Variants in ERV3-1 observed in about 807,000 individuals in gnomAD.
The protein encoded by ERV3-1 is endogenous retrovirus group 3 member 1, envelope, also known as endogenous retrovirus group 3 member 1 Env polyprotein.
A neutral mutation model predicts 24.6 loss-of-function variants in ERV3-1; 36 were observed. That is an observed-to-expected ratio of 1.47 (90% confidence interval 1.12 to 1.94). The LOEUF is 1.94. Ranked by LOEUF, ERV3-1 falls within the 30% of genes most tolerant of loss-of-function variation. The pLI is 0.00. For missense variants in ERV3-1, 578 were observed against 330.9 expected, an observed-to-expected ratio of 1.75 and a Z score of -5.79; for synonymous variants, 211 against 122.6, an observed-to-expected ratio of 1.72 and a Z score of -4.76.
At position 64,990,389 on chromosome 7, in the gene ERV3-1, A is replaced by G. The variant is rs1049620935; in HGVS notation, c.*823T>C. On this transcript the variant is annotated 3_prime_UTR_variant, in exon 2 of 2. Coordinates refer to ENST00000394323, the MANE Select transcript of ERV3-1 (RefSeq NM_001007253.4). The stretch of plus-strand genomic sequence containing the variant: ...ACAGGAAGGTTTTATTTAGGTGGCC[A>G]CTGGCCCAGCGGATTAACATCCAAA... 1.1e-5 allele frequency: 2 copies of G among 183,686 alleles called. No individual in the cohort carries two copies. Among genetic ancestry groups the G allele is most frequent in the African/African-American group, 4.8e-5 (2 of 41,570 alleles). The allele number at this position is 183,686 out of a possible 1,614,324, so 11.4% of individuals were successfully genotyped here.
chr7:65,002,680 C>A (rs1443918547), intron 1 of ERV3-1, among the ~76,000 whole-genome samples: 3 of 152,212 alleles, frequency 2.0e-5, no homozygotes, highest in African/African-American at 7.2e-5. Context: ...TCCACAGGCT[C>A]CTGAACTTTG....
intron 1 of ERV3-1, among the ~76,000 whole-genome samples, chr7:64,998,968 C>T (rs912471890): frequency 6.6e-6 from 1 of 152,336 alleles, no homozygotes; most frequent in East Asian, 1.9e-4. Context: ...TAGTGAGCCA[C>T]TCTCACGTCC....
intron 1 of ERV3-1, among the ~76,000 whole-genome samples, chr7:64,994,331 G>A (rs1487519146): frequency 6.6e-6 from 1 of 152,058 alleles, no homozygotes; most frequent in Non-Finnish European, 1.5e-5. Flanking sequence ...TCACAAATTT[G>A]GGGGCCACCA....
intron 1 of ERV3-1, 150 bp downstream of exon 1, chr7:65,006,391 G>C (rs1297290513): frequency 5.4e-6 from 7 of 1,298,674 alleles, no homozygotes; most frequent in Non-Finnish European, 7.7e-6. Flanking sequence ...ATGGCTGAAG[G>C]GGACTGAGGG....
At chr7:64,997,610 C>T (rs969306725) in intron 1 of ERV3-1, among the ~76,000 whole-genome samples, 2 of 152,160 alleles carry the variant, frequency 1.3e-5, no homozygotes, top group African/African-American at 4.8e-5. Flanking sequence ...TGTAGGCTGG[C>T]TTCTGGGAAT....
rs758300243 is a variant in ERV3-1, at chr7:64,992,143, C to A, written c.884G>T (p.Cys295Phe). 9.1e-6 allele frequency: 7 copies of A among 766,294 alleles called. No homozygotes were observed. Among genetic ancestry groups the A allele is most frequent in the African/African-American group, 8.5e-5 (5 of 59,116 alleles). 47.5% of individuals were successfully genotyped at this position (766,294 alleles called of 1,614,324 possible). ...SSLHVASCYV[C>F]GGMNMGDQWP... ...TTGGTCTCCCATGTTCATTCCCCCA[C>A]AGACATAACATGAAGCAACGTGCAG... is the stretch of plus-strand genomic sequence containing the variant. Residue 295 changes from cysteine to phenylalanine, a missense_variant, in exon 2 of 2, where the codon TGT becomes TTT. Transcript: ENST00000394323.
rs76477054 is a variant in ERV3-1 at position 64,992,163 on chromosome 7, G to A, written c.864C>T (p.His288=). 7,186 of 766,354 alleles carry A rather than the reference G, an allele frequency of 9.4e-3. 195 individuals carry two copies. Among genetic ancestry groups the A allele is most frequent in the East Asian group, 0.081 (3,352 of 41,236 alleles). The allele number at this position is 766,354 out of a possible 1,614,324, so 47.5% of individuals were successfully genotyped here. A position where few individuals can be genotyped will look rare whatever the true frequency, so the allele number is the denominator to read the frequency against. ...QLAENIASSL[H]VASCYVCGGM... is the part of the protein sequence containing the mutation. ...CCCCACAGACATAACATGAAGCAAC[G>A]TGCAGGCTGCTGGCTATGTTTTCAG... Residue 288 remains histidine, a synonymous_variant, in exon 2 of 2, where the codon CAC becomes CAT. Transcript: ENST00000394323.
At chr7:65,000,495 T>C (rs1169117186) in intron 1 of ERV3-1, among the ~76,000 whole-genome samples, 1 of 152,174 alleles carries the variant, frequency 6.6e-6, no homozygotes, top group Non-Finnish European at 1.5e-5. Flanking sequence ...AGTGCTGTGA[T>C]TACAGGCATG....
chr7:64,996,820 G>A (rs1786415306), intron 1 of ERV3-1, among the ~76,000 whole-genome samples: 1 of 152,162 alleles, frequency 6.6e-6, no homozygotes, highest in Non-Finnish European at 1.5e-5. Flanking sequence ...CAGCCCCAGT[G>A]TCTACCATAA....
chr7:65,000,465 T>C (rs1584068529), intron 1 of ERV3-1, among the ~76,000 whole-genome samples: 2 of 151,822 alleles, frequency 1.3e-5, no homozygotes, highest in South Asian at 2.1e-4. Flanking sequence ...CCTTGTGATC[T>C]GCCCACCTCG....
chr7:65,001,118 GC>G (rs35519391), intron 1 of ERV3-1, among the ~76,000 whole-genome samples: 65,961 of 151,894 alleles, frequency 0.43, 15,158 homozygotes, highest in African/African-American at 0.58. Context: ...AAAATAATCT[GC>G]ATGCCAAACC....
chr7:64,992,925 A>G lies in ERV3-1; in HGVS notation c.102T>C (p.Thr34=). The G allele has an allele frequency of 1.3e-6, 1 of 766,424 alleles. No homozygotes were observed. The highest frequency in any genetic ancestry group is 2.4e-6 in the Non-Finnish European group (1 of 417,894). The allele number at this position is 766,424 out of a possible 1,614,324, so 47.5% of individuals were successfully genotyped here. Residue 34 remains threonine, a synonymous_variant, in exon 2 of 2, where the codon ACT becomes ACC. Transcript: ENST00000394323. ...PWEGCLHCTH[T]TWSGNIMTKT... is the part of the protein sequence containing the mutation. ...TAGTCATGATGTTCCCCGACCACGT[A>G]GTGTGGGTGCAGTGGAGGCATCCCT...
At chr7:64,997,571 G>A (rs867665323) in intron 1 of ERV3-1, among the ~76,000 whole-genome samples, 1 of 152,156 alleles carries the variant, frequency 6.6e-6, no homozygotes, top group South Asian at 2.1e-4. Context: ...TGTAGGTACT[G>A]TAATTGGGCT....
In ERV3-1 at chr7:64,992,436, G is replaced by C. The variant is rs552092055; in HGVS notation, c.591C>G (p.Cys197Trp). The part of the protein sequence containing the change: ...PLEPDCKTST[C>W]NSVNLTILEP... ...CTAAGATGGTAAGATTTACAGAATT[G>C]CAAGTGCTTGTTTTACAATCTGGTT... The change falls in exon 2 of 2, where the codon TGC becomes TGG. Residue 197 changes from cysteine (C) to tryptophan (W), a missense_variant. Transcript: ENST00000394323. 381 of 766,378 alleles carry C rather than the reference G, an allele frequency of 5.0e-4. 1 individual carries two copies. In the South Asian group the frequency reaches 5.0e-3, roughly 10 times the overall value. 47.5% of individuals were successfully genotyped at this position (766,378 alleles called of 1,614,324 possible).
In ERV3-1 at chr7:64,992,486, T is replaced by C. The variant is rs760512866; in HGVS notation, c.541A>G (p.Ile181Val). 4 of 766,374 alleles carry C rather than the reference T, an allele frequency of 5.2e-6. No individual in the cohort carries two copies. The highest frequency in any genetic ancestry group is 9.6e-6 in the Non-Finnish European group (4 of 417,906). 47.5% of individuals were successfully genotyped at this position (766,374 alleles called of 1,614,324 possible). Reference protein sequence around the residue: ...WSTNQQSLGPIMLTKIPLEPD... With the variant: ...WSTNQQSLGPVMLTKIPLEPD... ...TCTAATGGTATTTTGGTAAGCATAA[T>C]TGGCCCTAGTGATTGTTGGTTAGTG... The change falls in exon 2 of 2, where the codon ATT (isoleucine) becomes GTT (valine). Residue 181 changes from isoleucine to valine, a missense_variant. Coordinates refer to ENST00000394323, the MANE Select transcript of ERV3-1 (RefSeq NM_001007253.4).
intron 1 of ERV3-1, among the ~76,000 whole-genome samples, chr7:64,997,724 A>G (rs1312212998): frequency 6.6e-6 from 1 of 152,162 alleles, no homozygotes; most frequent in Non-Finnish European, 1.5e-5. Flanking sequence ...CCTCGGTGTT[A>G]AACAGTGTCA....
rs1236393124 is a variant in ERV3-1 at position 64,991,314 on chromosome 7, A to C, written c.1713T>G (p.Thr571=). The change falls in exon 2 of 2, where the codon ACT becomes ACG. Residue 571 remains threonine (T), a synonymous_variant. Coordinates refer to ENST00000394323, the MANE Select transcript of ERV3-1 (RefSeq NM_001007253.4). ...CGTCATCAAGTTCCAGGCAGCAGTT[A>C]GTAAGGTTGAACTTTCCGCATACTC... ...EEGVCGKFNL[T]NCCLELDDEG... 1 of 711,148 alleles carries C rather than the reference A, an allele frequency of 1.4e-6. No individual in the cohort carries two copies. Among genetic ancestry groups the C allele is most frequent in the Non-Finnish European group, 2.6e-6 (1 of 388,236 alleles). 44.1% of individuals were successfully genotyped at this position (711,148 alleles called of 1,614,324 possible). A position where few individuals can be genotyped will look rare whatever the true frequency, so the allele number is the denominator to read the frequency against.
Position 64,996,782 on chromosome 7 carries a change from C to T in ERV3-1, c.-388-3368G>A, listed in dbSNP as rs536157647. Among the ~76,000 whole-genome samples the T allele has an allele frequency of 2.6e-5, 4 of 152,314 alleles. No homozygotes were observed. In the East Asian group the frequency reaches 5.8e-4, roughly 22 times the overall value. ...AGTTGTATGATCTTTGGATGATGGC[C>T]CTATGGGCTGGGTCACTACCAAGTG... On this transcript the variant is annotated intron_variant, in intron 1 of 1. Transcript: ENST00000394323.
chr7:64,992,064 G>A lies in ERV3-1; in HGVS notation c.963C>T (p.Ala321=). 1.3e-6 allele frequency: 1 copy of A among 766,400 alleles called. No homozygotes were observed. Among genetic ancestry groups the A allele is most frequent in the Non-Finnish European group, 2.4e-6 (1 of 417,924 alleles). 47.5% of individuals were successfully genotyped at this position (766,400 alleles called of 1,614,324 possible). A position where few individuals can be genotyped will look rare whatever the true frequency, so the allele number is the denominator to read the frequency against. The change falls in exon 2 of 2, where the codon GCC becomes GCT. Residue 321 remains alanine, a synonymous_variant. Transcript: ENST00000394323. Reference sequence around the variant, plus strand: ...TTGATGGTGCAGGTTCGAGGGAAGAGGCGGTTAGTGTGAAATTATCTTGGG... The same window carrying A: ...TTGATGGTGCAGGTTCGAGGGAAGAAGCGGTTAGTGTGAAATTATCTTGGG... ...LMPQDNFTLT[A]SSLEPAPSSQ...
Sources: allele counts gnomAD v4.1 joint callset (sites outside exome capture counted in the v4.1 genomes callset), GRCh38; gene constraint gnomAD v4.1.1; transcripts MANE v1.5; gene names NCBI Gene and HGNC (gene_info 2026-07-23, HGNC 2026-07-21).